The following B4GALT5 variants were observed in gnomAD, a reference collection of about 807,000 sequenced individuals.
The protein encoded by B4GALT5 is UDP-Gal:beta-GlcNAc beta-1,4-galactosyltransferase 5.
In B4GALT5, 11 loss-of-function variants were observed where a neutral mutation model predicts 45.0. That is an observed-to-expected ratio of 0.24 (90% CI 0.15 to 0.40). B4GALT5 has a LOEUF of 0.40. Among genes scored for constraint, B4GALT5 ranks in the 10% least tolerant of loss-of-function variants. The pLI, the probability that B4GALT5 is intolerant of heterozygous loss-of-function variation, is 1.00. For missense variants in B4GALT5, 337 were observed against 500.2 expected (o/e 0.67, Z 3.11); for synonymous variants, 185 against 182.9 (o/e 1.01, Z -0.09).
rs1353198992 is a variant in B4GALT5 at position 49,636,280 on chromosome 20, C to T, written c.*32G>A. ...TCTCATCGGACTGCTTTCTTGGTGG[C>T]GGTGGGTAAAGCAAACGTACATTCT... is the stretch of plus-strand genomic sequence containing the variant. On this transcript the variant is annotated 3_prime_UTR_variant, in exon 9 of 9. Coordinates refer to ENST00000371711, the MANE Select transcript of B4GALT5 (RefSeq NM_004776.4). 24 of 1,610,546 alleles carry T rather than the reference C, an allele frequency of 1.5e-5. No individual in the cohort carries two copies. Among genetic ancestry groups the T allele is most frequent in the South Asian group, 2.2e-5 (2 of 90,914 alleles).
At chr20:49,702,844 G>T (rs867237538) in intron 1 of B4GALT5, among the ~76,000 whole-genome samples, 1 of 150,702 alleles carries the variant, frequency 6.6e-6, no homozygotes, top group African/African-American at 2.4e-5. Context: ...AACAGAGCGA[G>T]AGTCCATCTC....
At chr20:49,701,984 G>T (rs1568735143) in intron 1 of B4GALT5, among the ~76,000 whole-genome samples, 1 of 152,180 alleles carries the variant, frequency 6.6e-6, no homozygotes, top group Non-Finnish European at 1.5e-5. Flanking sequence ...AGAATCACTT[G>T]AACCTAGGAG....
chr20:49,704,674 C>T (rs1600558694), intron 1 of B4GALT5, among the ~76,000 whole-genome samples: 1 of 150,656 alleles, frequency 6.6e-6, no homozygotes, highest in African/African-American at 2.4e-5. Context: ...AGCCGAGATC[C>T]CGCCACTGCA....
At chr20:49,658,717 A>C (rs1274639662) in intron 1 of B4GALT5, among the ~76,000 whole-genome samples, 2 of 152,210 alleles carry the variant, frequency 1.3e-5, no homozygotes, top group East Asian at 3.9e-4. Context: ...TGCTTTTAAG[A>C]AGCCTGTTTC....
rs2085543807 is a variant in B4GALT5 at position 49,634,832 on chromosome 20, A to G, written c.*1480T>C. ...CAGTGAGCTGTGATCGTGCCACCACACTCCAGCTTAGGCGACAGAGCCAGA... is the reference window on the plus strand; with the variant it reads ...CAGTGAGCTGTGATCGTGCCACCACGCTCCAGCTTAGGCGACAGAGCCAGA... On this transcript the variant is annotated 3_prime_UTR_variant, in exon 9 of 9. Transcript: ENST00000371711. The G allele has an allele frequency of 6.6e-6, 1 of 152,316 alleles. No homozygotes were observed. Among genetic ancestry groups the G allele is most frequent in the Admixed American group, 6.6e-5 (1 of 15,256 alleles). 9.4% of individuals were successfully genotyped at this position (152,316 alleles called of 1,614,324 possible).
chr20:49,645,789 C>T (rs1304645981), intron 3 of B4GALT5, among the ~76,000 whole-genome samples: 1 of 151,738 alleles, frequency 6.6e-6, no homozygotes, highest in African/African-American at 2.4e-5. Flanking sequence ...ATGTAGAGTA[C>T]ATTATACTAG....
chr20:49,706,994 CCCT>C (rs1364638213), intron 1 of B4GALT5, among the ~76,000 whole-genome samples: 1 of 152,098 alleles, frequency 6.6e-6, no homozygotes, highest in African/African-American at 2.4e-5. Flanking sequence ...AACACAGAGC[CCCT>C]CCTTCCTGGT....
intron 1 of B4GALT5, among the ~76,000 whole-genome samples, chr20:49,702,639 C>CA (rs2085867097): frequency 6.6e-6 from 1 of 151,548 alleles, no homozygotes; most frequent in South Asian, 2.1e-4. Context: ...AGGATGGCTT[C>CA]AGTCCACGAG....
At chr20:49,687,369 G>A (rs2085790646) in intron 1 of B4GALT5, among the ~76,000 whole-genome samples, 1 of 152,200 alleles carries the variant, frequency 6.6e-6, no homozygotes, top group African/African-American at 2.4e-5. Context: ...AAACATGCTG[G>A]GCGCGGTGGC....
intron 1 of B4GALT5, among the ~76,000 whole-genome samples, chr20:49,664,187 G>A (rs574859612): frequency 6.6e-6 from 1 of 151,960 alleles, no homozygotes; most frequent in Non-Finnish European, 1.5e-5. Flanking sequence ...TAATATTCTT[G>A]CTAATCTACT....
At chr20:49,691,260 T>C (rs529040805) in intron 1 of B4GALT5, among the ~76,000 whole-genome samples, 75 of 152,270 alleles carry the variant, frequency 4.9e-4, no homozygotes, top group African/African-American at 1.7e-3. Flanking sequence ...CTCACGCCTG[T>C]AATCCCAACA....
rs200957813 is a variant in B4GALT5 at position 49,687,400 on chromosome 20, CTT to C, written c.115+26174_115+26175del. 1.1e-3 allele frequency among the ~76,000 whole-genome samples: 171 copies of C among 152,284 alleles called. No individual in the cohort carries two copies. In the East Asian group the frequency reaches 0.033, roughly 29 times the overall value. ...GTGGCTCATGCCTGTAATCCCAGCA[CTT>C]TGAGAGGCTGAGGTGGGCGGATCAT... On this transcript the variant is annotated intron_variant, in intron 1 of 8. Transcript: ENST00000371711.
chr20:49,674,699 A>AAAG (rs201823894), intron 1 of B4GALT5, among the ~76,000 whole-genome samples: 1 of 151,954 alleles, frequency 6.6e-6, no homozygotes, highest in Non-Finnish European at 1.5e-5. Flanking sequence ...TAAAAAAAAA[A>AAAG]AAGAAGAAGA....
intron 2 of B4GALT5, among the ~76,000 whole-genome samples, chr20:49,648,504 G>A (rs1364475697): frequency 1.3e-5 from 2 of 152,130 alleles, no homozygotes; most frequent in Non-Finnish European, 2.9e-5. Flanking sequence ...AGCTTCTGGG[G>A]GATCCTGGGG....
intron 1 of B4GALT5, among the ~76,000 whole-genome samples, chr20:49,687,113 C>A (rs894555921): frequency 2.0e-5 from 3 of 152,000 alleles, no homozygotes; most frequent in African/African-American, 7.3e-5. Context: ...GTCACCACTG[C>A]GGGAGAAAGG....
chr20:49,637,284 A>G, intron 8 of B4GALT5, 57 bp downstream of exon 8: 1 of 1,445,182 alleles, frequency 6.9e-7, no homozygotes, highest in East Asian at 2.3e-5. Context: ...GCTCTAAGAT[A>G]TCCGGACATG....
At chr20:49,650,856 A>G (rs563080432) in intron 2 of B4GALT5, among the ~76,000 whole-genome samples, 2 of 152,188 alleles carry the variant, frequency 1.3e-5, no homozygotes, top group Non-Finnish European at 2.9e-5. Flanking sequence ...TAAAGCATGT[A>G]CCTACTGAAT....
intron 2 of B4GALT5, among the ~76,000 whole-genome samples, chr20:49,651,678 G>A (rs1207348801): frequency 4.6e-5 from 7 of 152,272 alleles, no homozygotes; most frequent in Non-Finnish European, 7.4e-5. Context: ...TCATGGGCTT[G>A]CAGACCAACA....
intron 1 of B4GALT5, among the ~76,000 whole-genome samples, chr20:49,669,803 CA>C (rs1056564743): frequency 1.1e-4 from 16 of 149,248 alleles, no homozygotes; most frequent in South Asian, 4.2e-4. Context: ...TCTGCAACCA[CA>C]AAAAAAAAGG....
Sources: gnomAD v4.1 joint callset for allele counts (sites outside exome capture counted in the v4.1 genomes callset) on GRCh38, gnomAD v4.1.1 for gene constraint, MANE v1.5 for transcripts, NCBI Gene and HGNC (gene_info 2026-07-23, HGNC 2026-07-21) for gene names.